Variants in COL24A1 observed in about 807,000 individuals in gnomAD.
The protein encoded by COL24A1 is collagen alpha-1(XXIV) chain.
A neutral mutation model predicts 253.9 loss-of-function variants in COL24A1; 224 were observed. That is an observed-to-expected ratio of 0.88 (90% CI 0.79 to 0.99). COL24A1 has a LOEUF of 0.99. Among genes scored for constraint, COL24A1 ranks in the 50% least tolerant of loss-of-function variants. COL24A1 has a pLI of 0.00. For synonymous variants in COL24A1, 685 were observed against 673.7 expected (o/e 1.02, Z -0.26); for missense variants, 2,131 against 2,068.5 (o/e 1.03, Z -0.59).
intron 14 of COL24A1, among the ~76,000 whole-genome samples, chr1:86,031,384 AG>A (rs756770535): frequency 6.6e-6 from 1 of 152,130 alleles, no homozygotes; most frequent in Non-Finnish European, 1.5e-5. Flanking sequence ...AAAATAAAAG[AG>A]TGAAATTAGA....
At chr1:85,989,844 C>G (rs970751741) in intron 19 of COL24A1, among the ~76,000 whole-genome samples, 5 of 152,184 alleles carry the variant, frequency 3.3e-5, no homozygotes, top group African/African-American at 1.2e-4. Context: ...AACTAGACGA[C>G]TGAATAACAT....
At chr1:85,935,106 G>A (rs1411707280) in intron 24 of COL24A1, among the ~76,000 whole-genome samples, 1 of 152,022 alleles carries the variant, frequency 6.6e-6, no homozygotes, top group Non-Finnish European at 1.5e-5. Context: ...ATTTTTTAAA[G>A]TAACTATATC....
rs1406928368 is a variant in COL24A1 at position 86,124,906 on chromosome 1, T to G, written c.1430A>C (p.Asp477Ala). ...CTCCATTTCAAGCATTGTATTTAGA[T>G]CCTCATAATAATAATAATCATAAAG... ...TELYDYYYYE[D>A]LNTMLEMEYL... is the part of the protein sequence containing the mutation. Residue 477 changes from aspartate (D) to alanine (A), a missense_variant, in exon 3 of 60, where the codon GAT becomes GCT. Coordinates refer to ENST00000370571, the MANE Select transcript of COL24A1 (RefSeq NM_152890.7). 1.2e-6 allele frequency: 2 copies of G among 1,609,900 alleles called. No homozygotes were observed. Among genetic ancestry groups the G allele is most frequent in the Non-Finnish European group, 1.7e-6 (2 of 1,178,668 alleles).
At chr1:85,764,455 T>C (rs1390728208) in intron 53 of COL24A1, among the ~76,000 whole-genome samples, 1 of 137,346 alleles carries the variant, frequency 7.3e-6, no homozygotes, top group African/African-American at 2.7e-5. Context: ...AGGTGGAGGA[T>C]ACACACACAC....
At chr1:85,820,796 A>G (rs1673541519) in intron 45 of COL24A1, among the ~76,000 whole-genome samples, 1 of 152,208 alleles carries the variant, frequency 6.6e-6, no homozygotes, top group Non-Finnish European at 1.5e-5. Flanking sequence ...CCCATTTGAA[A>G]TCAGATCCAT....
chr1:86,079,100 AACAG>A (rs1165121439), intron 7 of COL24A1, among the ~76,000 whole-genome samples: 1 of 152,182 alleles, frequency 6.6e-6, no homozygotes, highest in East Asian at 1.9e-4. Context: ...CCAGCATAAA[AACAG>A]ACACACAGAC....
chr1:85,813,274 G>A (rs974398109), intron 47 of COL24A1, among the ~76,000 whole-genome samples: 1 of 151,780 alleles, frequency 6.6e-6, no homozygotes, highest in South Asian at 2.1e-4. Context: ...TTAGGGGGAG[G>A]GGAATGAGAG....
rs1209289213 is a variant in COL24A1 at position 86,077,860 on chromosome 1, T to C, written c.1707+11314A>G. Among the ~76,000 whole-genome samples, 4 of 152,108 alleles carry C rather than the reference T, an allele frequency of 2.6e-5. No homozygotes were observed. In the East Asian group the frequency reaches 7.7e-4, roughly 29 times the overall value. On this transcript the variant is annotated intron_variant, in intron 7 of 59. Coordinates refer to ENST00000370571, the MANE Select transcript of COL24A1 (RefSeq NM_152890.7). ...TGGGGGTTGGGGGGCTGGGGAGGGC[T>C]AGCATTAGGAGAAATACCTAATGCA...
intron 24 of COL24A1, among the ~76,000 whole-genome samples, chr1:85,918,288 G>A (rs371199704): frequency 6.6e-6 from 1 of 151,972 alleles, no homozygotes; most frequent in African/African-American, 2.4e-5. Context: ...TTTTCACGTG[G>A]TATAAGATAG....
chr1:86,006,666 C>A (rs376691075), intron 19 of COL24A1, among the ~76,000 whole-genome samples: 1 of 151,992 alleles, frequency 6.6e-6, no homozygotes, highest in South Asian at 2.1e-4. Context: ...AAAACTTCTG[C>A]CCTGCAGAAA....
intron 5 of COL24A1, among the ~76,000 whole-genome samples, chr1:86,097,535 T>C (rs1181542561): frequency 1.2e-4 from 1 of 8,298 alleles, no homozygotes; most frequent in South Asian, 7.6e-3. Context: ...TCCTCCCTCC[T>C]CCTCCCTCCT....
chr1:86,069,557 G>A (rs1701721641), intron 7 of COL24A1, among the ~76,000 whole-genome samples: 1 of 152,142 alleles, frequency 6.6e-6, no homozygotes, highest in Admixed American at 6.5e-5. Context: ...GAAGGGCTTT[G>A]GGTGAGGCCC....
intron 47 of COL24A1, among the ~76,000 whole-genome samples, chr1:85,792,930 G>T (rs1670441848): frequency 6.6e-6 from 1 of 152,024 alleles, no homozygotes. Flanking sequence ...ATAATATAAA[G>T]ATATTGCCCT....
At chr1:85,914,304 A>G (rs1003955309) in intron 24 of COL24A1, among the ~76,000 whole-genome samples, 2 of 139,262 alleles carry the variant, frequency 1.4e-5, no homozygotes, top group African/African-American at 5.3e-5. Context: ...TTTGTCATGA[A>G]TGTGTGTGTG....
chr1:85,764,176 A>T (rs1277013140), intron 53 of COL24A1, among the ~76,000 whole-genome samples: 1 of 152,048 alleles, frequency 6.6e-6, no homozygotes, highest in Non-Finnish European at 1.5e-5. Context: ...TAGGATGTTT[A>T]GCAGCATCCC....
chr1:86,035,674 A>G (rs933024738), intron 12 of COL24A1, among the ~76,000 whole-genome samples: 1 of 152,176 alleles, frequency 6.6e-6, no homozygotes, highest in Non-Finnish European at 1.5e-5. Context: ...AATTCTGAAT[A>G]TACTAAAAAC....
At chr1:85,781,191 A>T in intron 52 of COL24A1, 29 bp downstream of exon 52, 1 of 1,504,448 alleles carries the variant, frequency 6.6e-7, no homozygotes, top group Non-Finnish European at 9.1e-7. Flanking sequence ...AAAAAAGAGT[A>T]CAAAAGACTT....
At chr1:86,100,044 C>T (rs944244597) in intron 5 of COL24A1, among the ~76,000 whole-genome samples, 40 of 152,008 alleles carry the variant, frequency 2.6e-4, no homozygotes, top group African/African-American at 9.2e-4. Flanking sequence ...ATGTTTATTG[C>T]GGCACTATTC....
chr1:85,754,875 G>A (rs1411314680), intron 55 of COL24A1, among the ~76,000 whole-genome samples: 2 of 152,088 alleles, frequency 1.3e-5, no homozygotes, highest in Non-Finnish European at 1.5e-5. Flanking sequence ...GAGAGTCTCA[G>A]AAGGGGAGGA....
Sources: allele counts gnomAD v4.1 joint callset (sites outside exome capture counted in the v4.1 genomes callset), GRCh38; gene constraint gnomAD v4.1.1; transcripts MANE v1.5; gene names NCBI Gene and HGNC (gene_info 2026-07-23, HGNC 2026-07-21).